HDHD2: variants seen among roughly 807,000 people sequenced by gnomAD.
HDHD2 encodes haloacid dehalogenase like hydrolase domain containing 2.
In HDHD2, 26 loss-of-function variants were observed where a neutral mutation model predicts 24.8. The observed-to-expected ratio is 1.05, with a 90% CI of 0.77 to 1.45. HDHD2 has a LOEUF of 1.45. Ranked by LOEUF, HDHD2 falls within the 40% of genes most tolerant of loss-of-function variation. The pLI, the probability that HDHD2 is intolerant of heterozygous loss-of-function variation, is 0.00. For synonymous variants in HDHD2, 128 were observed against 114.9 expected (o/e 1.11, Z -0.73); for missense variants, 299 against 313.4 (o/e 0.95, Z 0.35).
chr18:47,111,542 C>A, intron 6 of HDHD2: 1 of 985,368 alleles, frequency 1.0e-6, no homozygotes, highest in Non-Finnish European at 1.2e-6. Flanking sequence ...TTCCAGACTT[C>A]ATTTCATTCT....
Position 47,115,164 on chromosome 18 carries a change from A to G in HDHD2, c.580T>C (p.Cys194Arg). The change falls in exon 5 of 7, where the codon TGT (cysteine) becomes CGT (arginine). Residue 194 changes from cysteine to arginine, a missense_variant. Coordinates refer to ENST00000300605, the MANE Select transcript of HDHD2 (RefSeq NM_032124.5). ...ATCATGACAGCCTCCTCAGGTTCAC[A>G]GCCAGTGCCCCGCAATGCTTCCAAA... The part of the protein sequence containing the change: ...FFLEALRGTG[C>R]EPEEAVMIGD... The G allele has an allele frequency of 6.2e-7, 1 of 1,613,812 alleles. No homozygotes were observed.
intron 4 of HDHD2, among the ~76,000 whole-genome samples, chr18:47,129,628 A>G (rs2063693095): frequency 6.6e-6 from 1 of 152,196 alleles, no homozygotes; most frequent in South Asian, 2.1e-4. Context: ...AATTTATTTT[A>G]AAGTGTGGTC....
At chr18:47,149,028 G>C (rs1039329780) in intron 1 of HDHD2, 3 of 152,202 alleles carry the variant, frequency 2.0e-5, no homozygotes. Flanking sequence ...TGGTTGATAA[G>C]AGGATTAAAG....
At chr18:47,114,673 T>C (rs1318445723) in intron 5 of HDHD2, among the ~76,000 whole-genome samples, 2 of 152,164 alleles carry the variant, frequency 1.3e-5, no homozygotes, top group Non-Finnish European at 2.9e-5. Flanking sequence ...CTTTAGCTAT[T>C]TGTGGCACAC....
Position 47,132,131 on chromosome 18 carries a change from T to C in HDHD2, c.311-1803A>G, listed in dbSNP as rs137994829. On this transcript the variant is annotated intron_variant, in intron 3 of 6. Coordinates refer to ENST00000300605, the MANE Select transcript of HDHD2 (RefSeq NM_032124.5). ...CATTTATCCTTCTTTGGCTTCTTTT[T>C]ACAAATATAAGACAAATACATATGT... 1.8e-3 allele frequency among the ~76,000 whole-genome samples: 271 copies of C among 152,326 alleles called. 1 individual carries two copies. The highest frequency in any genetic ancestry group is 3.5e-3 in the East Asian group (18 of 5,188).
intron 4 of HDHD2, among the ~76,000 whole-genome samples, chr18:47,123,311 G>C (rs1168710319): frequency 6.6e-6 from 1 of 152,148 alleles, no homozygotes; most frequent in African/African-American, 2.4e-5. Flanking sequence ...TACAAGGCCG[G>C]GCACAGTGGC....
chr18:47,123,767 T>TG (rs1461320600), intron 4 of HDHD2, among the ~76,000 whole-genome samples: 1 of 152,074 alleles, frequency 6.6e-6, no homozygotes, highest in Admixed American at 6.5e-5. Flanking sequence ...TTTCATAGAC[T>TG]GGAAGATATA....
chr18:47,139,286 A>G (rs76297747), intron 1 of HDHD2, among the ~76,000 whole-genome samples: 7,946 of 145,594 alleles, frequency 0.055, 268 homozygotes, highest in East Asian at 0.13. Context: ...GTGAAACCCC[A>G]TCTCTACTAA....
At chr18:47,143,419 C>T (rs2063837874) in intron 1 of HDHD2, among the ~76,000 whole-genome samples, 1 of 152,170 alleles carries the variant, frequency 6.6e-6, no homozygotes, top group East Asian at 1.9e-4. Context: ...CACAGTGAGA[C>T]TATATCCCTA....
intron 5 of HDHD2, among the ~76,000 whole-genome samples, chr18:47,114,317 C>T (rs1006092225): frequency 2.0e-5 from 3 of 152,232 alleles, no homozygotes; most frequent in Non-Finnish European, 4.4e-5. Flanking sequence ...AGCTCTACTT[C>T]CAGCTGTGCT....
intron 3 of HDHD2, among the ~76,000 whole-genome samples, chr18:47,133,084 G>T (rs1483358391): frequency 2.6e-5 from 4 of 152,064 alleles, no homozygotes; most frequent in Non-Finnish European, 4.4e-5. Context: ...CCATGTTGGT[G>T]TGCTGCACCC....
intron 1 of HDHD2, among the ~76,000 whole-genome samples, chr18:47,142,038 T>G (rs1470765951): frequency 6.6e-6 from 1 of 152,156 alleles, no homozygotes; most frequent in African/African-American, 2.4e-5. Context: ...ATGCCTTTGT[T>G]ACTCCTTTGC....
intron 1 of HDHD2, among the ~76,000 whole-genome samples, chr18:47,137,847 T>C (rs1311700627): frequency 2.7e-5 from 4 of 150,918 alleles, no homozygotes; most frequent in Non-Finnish European, 3.0e-5. Context: ...AAGTCAAGCA[T>C]CTTGGTGTTT....
At chr18:47,136,657 A>G (rs2063769472) in intron 1 of HDHD2, among the ~76,000 whole-genome samples, 2 of 152,212 alleles carry the variant, frequency 1.3e-5, no homozygotes, top group East Asian at 3.9e-4. Flanking sequence ...TTTTTAAAAA[A>G]AAAAAACACT....
At chr18:47,110,999 C>T (rs2063511505) in intron 6 of HDHD2, 18 of 984,886 alleles carry the variant, frequency 1.8e-5, no homozygotes, top group Non-Finnish European at 2.2e-5. Flanking sequence ...CGGTTATTTT[C>T]AACACTGGGA....
rs1401614486 is a variant in HDHD2 at position 47,116,613 on chromosome 18, C to A, written c.396-1265G>T. On this transcript the variant is annotated intron_variant, in intron 4 of 6. Transcript: ENST00000300605. ...CACTAATATTAATACAAATTTATTT[C>A]TTAAAGCTGCTCTTGAAATACAACT... Among the ~76,000 whole-genome samples, 5 of 152,304 alleles carry A rather than the reference C, an allele frequency of 3.3e-5. No homozygotes were observed. The South Asian group carries it at 8.3e-4, about 25-fold the overall frequency.
intron 4 of HDHD2, among the ~76,000 whole-genome samples, chr18:47,116,409 A>G (rs550978233): frequency 3.2e-4 from 49 of 152,344 alleles, no homozygotes; most frequent in African/African-American, 1.2e-3. Flanking sequence ...TAAGCGCTCA[A>G]CTATGAAACT....
chr18:47,137,362 C>A, intron 1 of HDHD2: 1 of 316,208 alleles, frequency 3.2e-6, no homozygotes, highest in Non-Finnish European at 6.0e-6. Flanking sequence ...CTTACATTCT[C>A]AATCAGAAAA....
chr18:47,145,563 T>C (rs972124687), intron 1 of HDHD2, among the ~76,000 whole-genome samples: 1 of 152,168 alleles, frequency 6.6e-6, no homozygotes, highest in Non-Finnish European at 1.5e-5. Context: ...AACCATGGAA[T>C]ATCCACATGA....
Sources: gnomAD v4.1 joint callset for allele counts (sites outside exome capture counted in the v4.1 genomes callset) on GRCh38, gnomAD v4.1.1 for gene constraint, MANE v1.5 for transcripts, NCBI Gene and HGNC (gene_info 2026-07-23, HGNC 2026-07-21) for gene names.